RAI1: variants seen among roughly 807,000 people sequenced by gnomAD.
RAI1 encodes the protein retinoic acid-induced protein 1.
RAI1 carries 9 observed loss-of-function variants against 123.8 expected under a neutral mutation model. The ratio of observed to expected loss-of-function variants is 0.07; its 90% CI spans 0.04 to 0.13. The LOEUF (loss-of-function observed/expected upper bound fraction) is 0.13, where lower values mean the gene tolerates loss of function less well. Ranked by LOEUF, RAI1 falls within the 10% of genes least tolerant of loss-of-function variation. RAI1 has a pLI of 1.00. For missense variants in RAI1, 2,256 were observed against 2,545.8 expected (o/e 0.89, Z 2.45); for synonymous variants, 1,231 against 1,127.3 (o/e 1.09, Z -1.84).
At chr17:17,708,021 T>G (rs1915443231) in intron 1 of RAI1, among the ~76,000 whole-genome samples, 1 of 152,168 alleles carries the variant, frequency 6.6e-6, no homozygotes, top group South Asian at 2.1e-4. Context: ...AGAAGGCTCC[T>G]GGAGGCTCTG....
chr17:17,780,879 T>C (rs2031551873), intron 2 of RAI1, among the ~76,000 whole-genome samples: 2 of 152,188 alleles, frequency 1.3e-5, no homozygotes, highest in African/African-American at 4.8e-5. Flanking sequence ...TCCCTGTCTC[T>C]CCCCTTCTGG....
At position 17,751,850 on chromosome 17, in the gene RAI1, G is replaced by T. The variant is rs2030187491; in HGVS notation, c.-17+27691G>T. Reference sequence around the variant, plus strand: ...AATGTTTCCCCCAGAGCACTCAGTCGCGGTGTAACGCCCTGTACAATTTAC... The same window carrying T: ...AATGTTTCCCCCAGAGCACTCAGTCTCGGTGTAACGCCCTGTACAATTTAC... On this transcript the variant is annotated intron_variant, in intron 2 of 5. Coordinates refer to ENST00000353383, the MANE Select transcript of RAI1 (RefSeq NM_030665.4). Among the ~76,000 whole-genome samples, 4 of 152,136 alleles carry T rather than the reference G, an allele frequency of 2.6e-5. No individual in the cohort carries two copies. The South Asian group carries it at 8.3e-4, about 32-fold the overall frequency.
At chr17:17,732,257 C>G (rs1173240862) in intron 2 of RAI1, among the ~76,000 whole-genome samples, 4 of 152,170 alleles carry the variant, frequency 2.6e-5, no homozygotes, top group Non-Finnish European at 5.9e-5. Context: ...GAGCGTTGGC[C>G]TCCTTACTGA....
chr17:17,732,586 G>T (rs1916306347), intron 2 of RAI1, among the ~76,000 whole-genome samples: 1 of 152,006 alleles, frequency 6.6e-6, no homozygotes, highest in Admixed American at 6.6e-5. Flanking sequence ...AATCCTACAG[G>T]TCCCAACTGA....
rs533579643 is a variant in RAI1 at position 17,708,399 on chromosome 17, C to CAT, written c.-148-15617_-148-15616dup. On this transcript the variant is annotated intron_variant, in intron 1 of 5. Transcript: ENST00000353383. Reference sequence around the variant, plus strand: ...TTTGCACCTTCCTGTCCTCTCTTCTCATATATATATATACACACACACACA... The same window carrying CAT: ...TTTGCACCTTCCTGTCCTCTCTTCTCATATATATATATATACACACACACACA... 3.2e-4 allele frequency among the ~76,000 whole-genome samples: 45 copies of CAT among 141,546 alleles called. 1 individual carries two copies. The South Asian group carries it at 6.3e-3, about 20-fold the overall frequency. The allele number at this position is 141,546 out of a possible 152,430, so 92.9% of individuals were successfully genotyped here. A position where few individuals can be genotyped will look rare whatever the true frequency, so the allele number is the denominator to read the frequency against.
intron 2 of RAI1, among the ~76,000 whole-genome samples, chr17:17,755,243 C>T (rs1274151716): frequency 6.6e-6 from 1 of 152,230 alleles, no homozygotes; most frequent in Non-Finnish European, 1.5e-5. Context: ...CAGGGCCCAG[C>T]GCATGGTGTG....
intron 2 of RAI1, among the ~76,000 whole-genome samples, chr17:17,741,310 G>T (rs1416192880): frequency 6.6e-6 from 1 of 152,202 alleles, no homozygotes; most frequent in East Asian, 1.9e-4. Context: ...CGATTCTGGA[G>T]TTACCTTAGT....
chr17:17,734,490 G>A (rs928780036), intron 2 of RAI1, among the ~76,000 whole-genome samples: 1 of 152,196 alleles, frequency 6.6e-6, no homozygotes, highest in African/African-American at 2.4e-5. Context: ...CCAGTTAATT[G>A]TGGCTGATTC....
intron 2 of RAI1, among the ~76,000 whole-genome samples, chr17:17,773,271 G>C (rs990280672): frequency 6.6e-6 from 1 of 152,162 alleles, no homozygotes; most frequent in African/African-American, 2.4e-5. Context: ...TGTGCCCAGC[G>C]TGGAGGCTCA....
Position 17,809,546 on chromosome 17 carries a change from C to G in RAI1, c.5709+107C>G, listed in dbSNP as rs962863923. 7.9e-7 allele frequency: 1 copy of G among 1,260,042 alleles called. No homozygotes were observed. Among genetic ancestry groups the G allele is most frequent in the African/African-American group, 1.5e-5 (1 of 67,798 alleles). The allele number at this position is 1,260,042 out of a possible 1,614,324, so 78.1% of individuals were successfully genotyped here. A position where few individuals can be genotyped will look rare whatever the true frequency, so the allele number is the denominator to read the frequency against. On this transcript the variant is annotated intron_variant, in intron 5 of 5. Transcript: ENST00000353383. This position sits in a 1 kb window ranked among gnomAD's most constrained non-coding sequence, Gnocchi z 4.9. ...GGGCCCCCTTGGCTGCGCAGCCCCG[C>G]AGGGCCCAGCCCTAGGGGAGGGAGC...
chr17:17,749,444 G>C (rs2030065577), intron 2 of RAI1, among the ~76,000 whole-genome samples: 1 of 152,260 alleles, frequency 6.6e-6, no homozygotes, highest in South Asian at 2.1e-4. Flanking sequence ...GAATGAATGA[G>C]CATCCAGGAG....
In RAI1 at chr17:17,793,469, A is replaced by T; in HGVS notation, c.521A>T (p.Gln174Leu). 3 of 1,613,380 alleles carry T rather than the reference A, an allele frequency of 1.9e-6. No individual in the cohort carries two copies. Among genetic ancestry groups the T allele is most frequent in the Non-Finnish European group, 1.7e-6 (2 of 1,179,680 alleles). The change falls in exon 3 of 6, where the codon CAG (glutamine) becomes CTG (leucine). Residue 174 changes from glutamine to leucine, a missense_variant. By Grantham distance (113) the Gln-to-Leu change is moderately radical. This residue lies in a region of RAI1 where 336 missense variants were observed against 349.8 expected (regional missense o/e 0.96). Transcript: ENST00000353383. ...VPFRTHSLHVQQPPPPQQPLA... is the reference protein window; with the variant it reads ...VPFRTHSLHVLQPPPPQQPLA... The stretch of plus-strand genomic sequence containing the variant: ...TTTCGGACTCACTCCCTGCACGTCC[A>T]GCAGCCACCGCCGCCCCAGCAGCCC...
rs200335835 is a variant in RAI1, at chr17:17,795,033, T to C, written c.2085T>C (p.Ala695=). The C allele has an allele frequency of 1.3e-4, 204 of 1,614,150 alleles. 1 individual carries two copies. The East Asian group carries it at 3.8e-3, about 30-fold the overall frequency. The stretch of plus-strand genomic sequence containing the variant: ...TTGAAGACCCTTCCGTGGCCTTCGC[T>C]ACGCCTGACCCCAAAAAGACAACTG... The part of the protein sequence containing the change: ...GLFEDPSVAF[A]TPDPKKTTGP... The change falls in exon 3 of 6, where the codon GCT becomes GCC. Residue 695 remains alanine (A), a synonymous_variant. Transcript: ENST00000353383. The surrounding 1 kb of genome is among the most constrained non-coding windows in gnomAD (Gnocchi z 5.9).
At chr17:17,682,068 T>C (rs1411275332) in intron 1 of RAI1, among the ~76,000 whole-genome samples, 1 of 118,136 alleles carries the variant, frequency 8.5e-6, no homozygotes, top group East Asian at 2.4e-4. Context: ...CCAGCTGAGG[T>C]CGGGTGGGGG....
At chr17:17,783,784 C>CG (rs975568678) in intron 2 of RAI1, among the ~76,000 whole-genome samples, 2 of 151,886 alleles carry the variant, frequency 1.3e-5, no homozygotes, top group Non-Finnish European at 1.5e-5. Context: ...AGGCGGGGGG[C>CG]GGGGGCGGAA....
intron 1 of RAI1, among the ~76,000 whole-genome samples, chr17:17,693,270 C>T (rs555476587): frequency 2.0e-5 from 3 of 151,800 alleles, no homozygotes; most frequent in Non-Finnish European, 4.4e-5. Flanking sequence ...GGGCATCATT[C>T]CTCCACCTCC....
chr17:17,785,366 G>A (rs904501922), intron 2 of RAI1, among the ~76,000 whole-genome samples: 1 of 152,208 alleles, frequency 6.6e-6, no homozygotes, highest in Non-Finnish European at 1.5e-5. Flanking sequence ...CATCTCATCT[G>A]TTTATTTATC....
chr17:17,738,466 G>T (rs1053970673), intron 2 of RAI1, among the ~76,000 whole-genome samples: 10 of 152,104 alleles, frequency 6.6e-5, no homozygotes, highest in Non-Finnish European at 1.5e-4. Context: ...AGGCTGGGAG[G>T]AGCCTCCGCC....
chr17:17,733,630 G>C lies in RAI1; in HGVS notation c.-17+9471G>C, dbSNP rs571810462. 2.0e-5 allele frequency among the ~76,000 whole-genome samples: 3 copies of C among 152,286 alleles called. No individual in the cohort carries two copies. The East Asian group carries it at 5.8e-4, about 29-fold the overall frequency. ...CCCAGTAAGGGCAGGACCCTGACAA[G>C]AATTCCGACTCCTGACTCCCAGTCC... On this transcript the variant is annotated intron_variant, in intron 2 of 5. Coordinates refer to ENST00000353383, the MANE Select transcript of RAI1 (RefSeq NM_030665.4).
Sources: gnomAD v4.1 joint callset for allele counts (sites outside exome capture counted in the v4.1 genomes callset) on GRCh38, gnomAD v4.1.1 for gene constraint, gnomAD v4.1.1 regional missense constraint, Gnocchi (gnomAD v3.1) non-coding constraint, MANE v1.5 for transcripts, NCBI Gene and HGNC (gene_info 2026-07-23, HGNC 2026-07-21) for gene names.